The following LHFPL3 variants were observed in gnomAD, a reference collection of about 807,000 sequenced individuals.
LHFPL3 encodes the protein LHFPL tetraspan subfamily member 3 protein.
In LHFPL3, 5 loss-of-function variants were observed where a neutral mutation model predicts 19.3. The observed-to-expected ratio is 0.26, with a 90% CI of 0.14 to 0.54. LHFPL3 has a LOEUF of 0.54. Ranked by LOEUF, LHFPL3 falls within the 20% of genes least tolerant of loss-of-function variation. The pLI, the probability that LHFPL3 is intolerant of heterozygous loss-of-function variation, is 0.94. For missense variants in LHFPL3, 249 were observed against 307.4 expected (o/e 0.81, Z 1.42); for synonymous variants, 133 against 126.2 (o/e 1.05, Z -0.36).
At chr7:104,629,253 C>T (rs1791599187) in intron 1 of LHFPL3, among the ~76,000 whole-genome samples, 1 of 152,080 alleles carries the variant, frequency 6.6e-6, no homozygotes, top group Non-Finnish European at 1.5e-5. Flanking sequence ...GCTGACATCA[C>T]GGGTGTTCAT....
intron 1 of LHFPL3, among the ~76,000 whole-genome samples, chr7:104,532,239 C>T (rs191143790): frequency 1.3e-5 from 2 of 150,944 alleles, no homozygotes; most frequent in Admixed American, 1.3e-4. Flanking sequence ...GCCTCAGCCT[C>T]CTGATTAACT....
At chr7:104,351,311 A>C (rs893189765) in intron 1 of LHFPL3, among the ~76,000 whole-genome samples, 5 of 152,086 alleles carry the variant, frequency 3.3e-5, no homozygotes, top group African/African-American at 1.2e-4. Context: ...CCCTGGTTCT[A>C]TTACATCTGC....
chr7:104,514,460 G>T (rs1184253412), intron 1 of LHFPL3, among the ~76,000 whole-genome samples: 1 of 152,166 alleles, frequency 6.6e-6, no homozygotes, highest in Non-Finnish European at 1.5e-5. Context: ...ACAGTCACCA[G>T]CCCATTGCCT....
At chr7:104,628,560 TATG>T (rs1791586151) in intron 1 of LHFPL3, among the ~76,000 whole-genome samples, 1 of 152,196 alleles carries the variant, frequency 6.6e-6, no homozygotes, top group Non-Finnish European at 1.5e-5. Context: ...AGTTTGAGTC[TATG>T]TTGTTGGAAT....
intron 1 of LHFPL3, among the ~76,000 whole-genome samples, chr7:104,561,875 C>T (rs112355497): frequency 2.6e-5 from 4 of 152,040 alleles, no homozygotes; most frequent in Non-Finnish European, 5.9e-5. Context: ...TAAGGCAGGC[C>T]TGGTGGTGAC....
At chr7:104,881,926 A>T (rs1024332367) in intron 2 of LHFPL3, among the ~76,000 whole-genome samples, 1 of 152,170 alleles carries the variant, frequency 6.6e-6, no homozygotes, top group African/African-American at 2.4e-5. Flanking sequence ...TCGTTCATTA[A>T]TTTATTTTTA....
chr7:104,474,690 A>C (rs866845733), intron 1 of LHFPL3, among the ~76,000 whole-genome samples: 583 of 148,800 alleles, frequency 3.9e-3, no homozygotes, highest in African/African-American at 0.013. Context: ...ACAACAACAA[A>C]AAAAAAAAAA....
intron 1 of LHFPL3, among the ~76,000 whole-genome samples, chr7:104,574,497 A>C (rs1428797650): frequency 1.3e-5 from 2 of 152,230 alleles, no homozygotes; most frequent in Non-Finnish European, 2.9e-5. Flanking sequence ...TCTGTGAAAG[A>C]CTGCTCAAAG....
At chr7:104,575,559 T>TAAAAAAAAAAAAAAAAAAAAAAAAAA (rs58118006) in intron 1 of LHFPL3, among the ~76,000 whole-genome samples, 3 of 36,152 alleles carry the variant, frequency 8.3e-5, no homozygotes, top group African/African-American at 1.6e-4. Context: ...CAAAGAGATC[T>TAAAAAAAAAAAAAAAAAAAAAAAAAA]AAAAAAAAAA....
rs552658338 is a variant in LHFPL3 at position 104,808,493 on chromosome 7, C to T, written c.682+71582C>T. ...AATTGTGCCTGGTGACTAGCTGCGG[C>T]GCAATAAGTATTTTGTGGGCTTACT... is the stretch of plus-strand genomic sequence containing the variant. On this transcript the variant is annotated intron_variant, in intron 2 of 2. Transcript: ENST00000424859. Among the ~76,000 whole-genome samples, 150 of 152,160 alleles carry T rather than the reference C, an allele frequency of 9.9e-4. 1 individual carries two copies. The highest frequency in any genetic ancestry group is 1.6e-3 in the Non-Finnish European group (112 of 68,004).
At chr7:104,386,717 T>C (rs1790951553) in intron 1 of LHFPL3, among the ~76,000 whole-genome samples, 1 of 152,212 alleles carries the variant, frequency 6.6e-6, no homozygotes, top group Admixed American at 6.5e-5. Context: ...TGGGAGACTG[T>C]TGATTCAAGA....
intron 1 of LHFPL3, among the ~76,000 whole-genome samples, chr7:104,484,495 C>T (rs566423405): frequency 2.6e-5 from 4 of 152,278 alleles, no homozygotes; most frequent in Admixed American, 2.0e-4. Context: ...TTCTGTTGAG[C>T]TCCTTGGCTT....
chr7:104,575,189 T>C (rs891063863), intron 1 of LHFPL3, among the ~76,000 whole-genome samples: 11 of 152,172 alleles, frequency 7.2e-5, no homozygotes, highest in African/African-American at 2.7e-4. Flanking sequence ...GGGAATCCCA[T>C]TTTCTCCATT....
chr7:104,710,684 C>T (rs778484117), intron 1 of LHFPL3, among the ~76,000 whole-genome samples: 4 of 152,142 alleles, frequency 2.6e-5, no homozygotes, highest in Non-Finnish European at 5.9e-5. Context: ...ATAGTATCTA[C>T]TTCATCAGGT....
At chr7:104,508,459 T>C (rs1187992425) in intron 1 of LHFPL3, among the ~76,000 whole-genome samples, 1 of 62,222 alleles carries the variant, frequency 1.6e-5, no homozygotes, top group East Asian at 4.9e-4. Flanking sequence ...GGGACTATTG[T>C]GGGGTGGGGG....
chr7:104,391,072 TTC>T (rs1417580061), intron 1 of LHFPL3, among the ~76,000 whole-genome samples: 1 of 152,228 alleles, frequency 6.6e-6, no homozygotes, highest in Non-Finnish European at 1.5e-5. Flanking sequence ...TCTTTGTAGA[TTC>T]TGGATATTAG....
intron 1 of LHFPL3, among the ~76,000 whole-genome samples, chr7:104,367,397 C>A (rs1790514851): frequency 6.6e-6 from 1 of 152,200 alleles, no homozygotes; most frequent in Non-Finnish European, 1.5e-5. Context: ...TCGTCAACAT[C>A]TTTCTTACTC....
At chr7:104,873,159 A>C (rs541027971) in intron 2 of LHFPL3, among the ~76,000 whole-genome samples, 2 of 152,348 alleles carry the variant, frequency 1.3e-5, no homozygotes, top group South Asian at 4.1e-4. Context: ...GTACTAGACA[A>C]GAGTATTCTA....
intron 1 of LHFPL3, among the ~76,000 whole-genome samples, chr7:104,351,218 A>G (rs900814287): frequency 9.2e-5 from 14 of 152,180 alleles, no homozygotes; most frequent in Non-Finnish European, 1.8e-4. Context: ...ATTGGCAGCC[A>G]TCCAGAGAAA....
Sources: gnomAD v4.1 joint callset for allele counts (sites outside exome capture counted in the v4.1 genomes callset) on GRCh38, gnomAD v4.1.1 for gene constraint, MANE v1.5 for transcripts, NCBI Gene and HGNC (gene_info 2026-07-23, HGNC 2026-07-21) for gene names.